TXNL4A: variants seen among roughly 807,000 people sequenced by gnomAD.
TXNL4A encodes the protein thioredoxin-like protein 4A.
In TXNL4A, 17 loss-of-function variants were observed where a neutral mutation model predicts 14.6. The observed-to-expected ratio is 1.16, with a 90% CI of 0.80 to 1.74. The LOEUF is 1.74. Among genes scored for constraint, TXNL4A ranks in the 40% most tolerant of loss-of-function variants. TXNL4A has a pLI of 0.00. For synonymous variants in TXNL4A, 83 were observed against 70.6 expected, an observed-to-expected ratio of 1.18 and a Z score of -0.88; for missense variants, 74 against 195.2, an observed-to-expected ratio of 0.38 and a Z score of 3.70.
chr18:80,009,917 T>C (rs1234866668), intron 1 of TXNL4A, among the ~76,000 whole-genome samples: 1 of 152,172 alleles, frequency 6.6e-6, no homozygotes, highest in Non-Finnish European at 1.5e-5. Flanking sequence ...GAAGGTCATA[T>C]ACCAGTTAAA....
intron 1 of TXNL4A, among the ~76,000 whole-genome samples, chr18:80,024,687 G>A (rs2051872880): frequency 6.6e-6 from 1 of 152,106 alleles, no homozygotes; most frequent in Non-Finnish European, 1.5e-5. Flanking sequence ...CTCCAAATAG[G>A]TTTCCTCTTT....
intron 1 of TXNL4A, among the ~76,000 whole-genome samples, chr18:80,002,171 C>T (rs539447011): frequency 1.3e-5 from 2 of 152,312 alleles, no homozygotes; most frequent in Admixed American, 1.3e-4. Context: ...CTCTCATTCT[C>T]TCTTGCCTGC....
intron 1 of TXNL4A, among the ~76,000 whole-genome samples, chr18:80,010,346 C>T (rs934887264): frequency 3.3e-5 from 5 of 151,960 alleles, no homozygotes; most frequent in Admixed American, 6.5e-5. Context: ...CAGCTTGTCC[C>T]GGGACCTTGG....
intron 1 of TXNL4A, among the ~76,000 whole-genome samples, chr18:80,033,587 G>A (rs1215918972): frequency 6.6e-6 from 1 of 152,256 alleles, no homozygotes; most frequent in Non-Finnish European, 1.5e-5. Flanking sequence ...GCCTCCCGCC[G>A]ACAGCGGCCC....
At chr18:80,005,783 G>A (rs1359346244) in intron 1 of TXNL4A, among the ~76,000 whole-genome samples, 1 of 152,138 alleles carries the variant, frequency 6.6e-6, no homozygotes, top group Non-Finnish European at 1.5e-5. Flanking sequence ...GCATGATGGT[G>A]CATGCCTGTA....
chr18:80,021,765 T>C (rs1248869407), intron 1 of TXNL4A, among the ~76,000 whole-genome samples: 5 of 152,220 alleles, frequency 3.3e-5, no homozygotes, highest in Non-Finnish European at 7.3e-5. Context: ...TAATGGCTTT[T>C]AGGTTTTTGT....
At chr18:80,013,702 C>A (rs2051787757) in intron 1 of TXNL4A, among the ~76,000 whole-genome samples, 1 of 152,166 alleles carries the variant, frequency 6.6e-6, no homozygotes, top group South Asian at 2.1e-4. Context: ...CCTCAGTCTC[C>A]CAAAGTGCTG....
rs2051766967 is a variant in TXNL4A at position 80,011,098 on chromosome 18, G to A, written c.-61+22753C>T. 6.6e-6 allele frequency among the ~76,000 whole-genome samples: 1 copy of A among 152,060 alleles called. No individual in the cohort carries two copies. The highest frequency in any genetic ancestry group is 1.5e-5 in the Non-Finnish European group (1 of 68,010). ...TGTGGTTTTATTTGCATTACCATTT[G>A]GTGCTTGTTAGCCCCTCGGGAAAGG... On this transcript the variant is annotated intron_variant, in intron 1 of 2. Coordinates refer to the TXNL4A transcript ENST00000585474. The surrounding 1 kb of genome is among the most constrained non-coding windows in gnomAD (Gnocchi z 4.1).
chr18:80,027,390 C>A (rs76032771), intron 1 of TXNL4A, among the ~76,000 whole-genome samples: 7 of 152,018 alleles, frequency 4.6e-5, no homozygotes, highest in Non-Finnish European at 1.0e-4. Flanking sequence ...TAAATAATAT[C>A]GCAATACCCA....
At chr18:80,028,037 C>G (rs1158812619) in intron 1 of TXNL4A, among the ~76,000 whole-genome samples, 1 of 152,098 alleles carries the variant, frequency 6.6e-6, no homozygotes, top group African/African-American at 2.4e-5. Context: ...ATCAGCTATA[C>G]AACAAATAAA....
At chr18:80,022,091 A>C (rs1568381851) in intron 1 of TXNL4A, among the ~76,000 whole-genome samples, 1 of 151,982 alleles carries the variant, frequency 6.6e-6, no homozygotes, top group East Asian at 1.9e-4. Context: ...CTATATATTT[A>C]TTAGGGTTAT....
chr18:79,977,703 T>A lies in TXNL4A; in HGVS notation c.154-2A>T. On this transcript the variant is annotated splice_acceptor_variant, in intron 1 of 2. Coordinates refer to ENST00000269601, the MANE Select transcript of TXNL4A (RefSeq NM_006701.5). LOFTEE classifies it high-confidence loss of function. ...ATAAATAACTGCAAAATTTTTAACC[T>A]AAAAGGAGATTAAAAAAAAAAACTG... 4 of 1,520,684 alleles carry A rather than the reference T, an allele frequency of 2.6e-6. No homozygotes were observed. The highest frequency in any genetic ancestry group is 3.6e-6 in the Non-Finnish European group (4 of 1,113,790). 94.2% of individuals were successfully genotyped at this position (1,520,684 alleles called of 1,614,324 possible). A position where few individuals can be genotyped will look rare whatever the true frequency, so the allele number is the denominator to read the frequency against.
Position 79,977,712 on chromosome 18 carries a change from AT to A in TXNL4A, c.154-12del. 1 of 1,457,186 alleles carries A rather than the reference AT, an allele frequency of 6.9e-7. No individual in the cohort carries two copies. Among genetic ancestry groups the A allele is most frequent in the Non-Finnish European group, 9.5e-7 (1 of 1,057,752 alleles). The allele number at this position is 1,457,186 out of a possible 1,614,324, so 90.3% of individuals were successfully genotyped here. A position where few individuals can be genotyped will look rare whatever the true frequency, so the allele number is the denominator to read the frequency against. ...TGCAAAATTTTTAACCTAAAAGGAG[AT>A]TAAAAAAAAAAACTGAAATAACAGA... On this transcript the variant is annotated splice_polypyrimidine_tract_variant and intron_variant, in intron 1 of 2. Transcript: ENST00000269601.
intron 1 of TXNL4A, among the ~76,000 whole-genome samples, chr18:79,997,077 A>G (rs1308052987): frequency 1.3e-5 from 2 of 152,190 alleles, no homozygotes; most frequent in African/African-American, 2.4e-5. Context: ...TGGAATAAAG[A>G]GCAGAAAACA....
intron 1 of TXNL4A, among the ~76,000 whole-genome samples, chr18:80,019,567 G>A (rs979363390): frequency 1.3e-5 from 2 of 151,956 alleles, no homozygotes; most frequent in East Asian, 3.9e-4. Flanking sequence ...GGTTGGCAAG[G>A]GGTGGCATTT....
rs1357418233 is a variant in TXNL4A, at chr18:79,973,052, T to C, written c.*633A>G. Reference sequence around the variant, plus strand: ...TCCTTGCAAATGTAATTAGTTAAGATTAGGCCATGCTGGAGCAGGGTGGGC... The same window carrying C: ...TCCTTGCAAATGTAATTAGTTAAGACTAGGCCATGCTGGAGCAGGGTGGGC... On this transcript the variant is annotated 3_prime_UTR_variant, in exon 3 of 3. Transcript: ENST00000269601. 4 of 152,200 alleles carry C rather than the reference T, an allele frequency of 2.6e-5. No individual in the cohort carries two copies. Among genetic ancestry groups the C allele is most frequent in the African/African-American group, 9.7e-5 (4 of 41,436 alleles). 9.4% of individuals were successfully genotyped at this position (152,200 alleles called of 1,614,324 possible). A position where few individuals can be genotyped will look rare whatever the true frequency, so the allele number is the denominator to read the frequency against.
chr18:79,977,313 TA>T, intron 2 of TXNL4A: 1 of 488,878 alleles, frequency 2.0e-6, no homozygotes, highest in Non-Finnish European at 3.6e-6. Flanking sequence ...TCCAGGTATC[TA>T]AAATGTCAGT....
intron 1 of TXNL4A, among the ~76,000 whole-genome samples, chr18:79,978,212 C>T (rs897988640): frequency 5.3e-5 from 8 of 152,154 alleles, no homozygotes; most frequent in Admixed American, 4.6e-4. Context: ...AAAACGTCCA[C>T]AGACATATTA....
At position 79,972,630 on chromosome 18, in the gene TXNL4A, A is replaced by C. The variant is rs879265778; in HGVS notation, c.*1055T>G. The C allele has an allele frequency of 6.6e-6, 1 of 152,142 alleles. No homozygotes were observed. The highest frequency in any genetic ancestry group is 1.5e-5 in the Non-Finnish European group (1 of 68,046). 9.4% of individuals were successfully genotyped at this position (152,142 alleles called of 1,614,324 possible). A position where few individuals can be genotyped will look rare whatever the true frequency, so the allele number is the denominator to read the frequency against. The stretch of plus-strand genomic sequence containing the variant: ...CAGGCACGCGCCACCATGCCCAGCT[A>C]ATTTTTGTATTTTTAGTAGAGACGG... On this transcript the variant is annotated 3_prime_UTR_variant, in exon 3 of 3. Coordinates refer to ENST00000269601, the MANE Select transcript of TXNL4A (RefSeq NM_006701.5).
Sources: gnomAD v4.1 joint callset for allele counts (sites outside exome capture counted in the v4.1 genomes callset) on GRCh38, gnomAD v4.1.1 for gene constraint, Gnocchi (gnomAD v3.1) non-coding constraint, MANE v1.5 for transcripts, NCBI Gene and HGNC (gene_info 2026-07-23, HGNC 2026-07-21) for gene names.